RNF216: variants seen among roughly 807,000 people sequenced by gnomAD.
RNF216 encodes ring finger protein 216, also known as E3 ubiquitin-protein ligase RNF216.
A neutral mutation model predicts 110.8 loss-of-function variants in RNF216; 72 were observed. The observed-to-expected ratio is 0.65, with a 90% CI of 0.54 to 0.79. RNF216 has a LOEUF of 0.79. RNF216 is among the 30% of genes least tolerant of loss of function. The pLI is 0.00. For missense variants in RNF216, 1,342 were observed against 1,141.2 expected (o/e 1.18, Z -2.54); for synonymous variants, 495 against 407.5 (o/e 1.21, Z -2.59).
At chr7:5,677,786 G>C (rs1354620678) in intron 13 of RNF216, among the ~76,000 whole-genome samples, 3 of 152,180 alleles carry the variant, frequency 2.0e-5, no homozygotes, top group Non-Finnish European at 2.9e-5. Context: ...AAGGGGAAGG[G>C]TTGTCTATGC....
chr7:5,714,270 T>C (rs1287513847), intron 11 of RNF216, among the ~76,000 whole-genome samples: 1 of 151,860 alleles, frequency 6.6e-6, no homozygotes, highest in African/African-American at 2.4e-5. Flanking sequence ...CTATTTTTCT[T>C]TTTTAGAGAT....
Position 5,622,777 on chromosome 7 carries a change from A to G in RNF216, c.*83T>C. 7.3e-7 allele frequency: 1 copy of G among 1,372,330 alleles called. No homozygotes were observed. Among genetic ancestry groups the G allele is most frequent in the Non-Finnish European group, 1.0e-6 (1 of 1,000,816 alleles). The allele number at this position is 1,372,330 out of a possible 1,614,324, so 85.0% of individuals were successfully genotyped here. ...AAGCTGACTTAGGATGCAATGGTAC[A>G]GACACCAGCCTTGGGGGAGGGTTCT... On this transcript the variant is annotated 3_prime_UTR_variant, in exon 17 of 17. Transcript: ENST00000389902.
At chr7:5,711,561 AG>A (rs1388391982) in intron 13 of RNF216, among the ~76,000 whole-genome samples, 199 bp downstream of exon 13, 1 of 152,198 alleles carries the variant, frequency 6.6e-6, no homozygotes, top group African/African-American at 2.4e-5. Context: ...TTGTAACTGG[AG>A]TGGCAAGAGT....
chr7:5,732,402 A>G (rs896533704), intron 5 of RNF216, among the ~76,000 whole-genome samples: 4 of 152,206 alleles, frequency 2.6e-5, no homozygotes, highest in African/African-American at 7.2e-5. Flanking sequence ...TGATACATAA[A>G]TACACCTCTA....
chr7:5,720,665 C>G (rs1793363096), intron 9 of RNF216, among the ~76,000 whole-genome samples: 1 of 152,040 alleles, frequency 6.6e-6, no homozygotes, highest in South Asian at 2.1e-4. Context: ...ATCTCTGGGT[C>G]ACACTTTGAG....
At chr7:5,655,392 A>C (rs852521) in intron 13 of RNF216, among the ~76,000 whole-genome samples, 1 of 152,156 alleles carries the variant, frequency 6.6e-6, no homozygotes, top group Admixed American at 6.5e-5. Flanking sequence ...GAGGTCAGAC[A>C]TTAGAGACCA....
chr7:5,781,085 AG>A (rs892397148), intron 1 of RNF216, among the ~76,000 whole-genome samples: 2 of 152,112 alleles, frequency 1.3e-5, no homozygotes, highest in African/African-American at 4.8e-5. Flanking sequence ...TCCAGATGTG[AG>A]GGAAGAGGAG....
intron 2 of RNF216, among the ~76,000 whole-genome samples, chr7:5,758,634 G>A (rs373851144): frequency 5.9e-5 from 9 of 152,150 alleles, no homozygotes; most frequent in East Asian, 3.9e-4. Flanking sequence ...TTTAATGACC[G>A]CCCTGCTGGG....
At chr7:5,665,825 A>G (rs1789473820) in intron 13 of RNF216, among the ~76,000 whole-genome samples, 1 of 152,140 alleles carries the variant, frequency 6.6e-6, no homozygotes, top group African/African-American at 2.4e-5. Flanking sequence ...CCGAGACTAT[A>G]TCAGCAACGC....
In RNF216 at chr7:5,716,743, T is replaced by C. The variant is rs780040270; in HGVS notation, c.1668A>G (p.Leu556=). 4 of 1,607,394 alleles carry C rather than the reference T, an allele frequency of 2.5e-6. No homozygotes were observed. The highest frequency in any genetic ancestry group is 1.3e-5 in the African/African-American group (1 of 74,892). ...MAEHEDFLLA[L]QMNEEQYQKD... ...TTTGATACTGTTCTTCATTCATCTGTAGGGCAAGCAAAAAGTCTTCATGCT... is the reference window on the plus strand; with the variant it reads ...TTTGATACTGTTCTTCATTCATCTGCAGGGCAAGCAAAAAGTCTTCATGCT... Residue 556 remains leucine (L), a synonymous_variant, in exon 10 of 17, where the codon CTA becomes CTG. Coordinates refer to ENST00000389902, the MANE Select transcript of RNF216 (RefSeq NM_207111.4).
At chr7:5,687,425 A>G (rs528180623) in intron 13 of RNF216, among the ~76,000 whole-genome samples, 1 of 151,774 alleles carries the variant, frequency 6.6e-6, no homozygotes, top group Non-Finnish European at 1.5e-5. Flanking sequence ...GAAAAAGAAA[A>G]GAAAAGAAAG....
chr7:5,691,268 G>A (rs1204407385), intron 13 of RNF216, among the ~76,000 whole-genome samples: 1 of 152,218 alleles, frequency 6.6e-6, no homozygotes, highest in Non-Finnish European at 1.5e-5. Context: ...GCCGACGGCA[G>A]CATTTGACTG....
intron 10 of RNF216, among the ~76,000 whole-genome samples, chr7:5,716,001 G>C (rs755545978): frequency 1.3e-5 from 2 of 151,928 alleles, no homozygotes; most frequent in Non-Finnish European, 2.9e-5. Flanking sequence ...TTGGCCTTCC[G>C]AAGTGCTGGG....
chr7:5,620,198 T>C lies in RNF216; in HGVS notation c.*2662A>G, dbSNP rs1786265763. On this transcript the variant is annotated 3_prime_UTR_variant, in exon 17 of 17. Transcript: ENST00000389902. Reference sequence around the variant, plus strand: ...ATGAACTAATCGTTTCTTGTTTTTATACAAAGTGACAGATCATGCACATTT... The same window carrying C: ...ATGAACTAATCGTTTCTTGTTTTTACACAAAGTGACAGATCATGCACATTT... The C allele has an allele frequency of 6.6e-6, 1 of 152,274 alleles. No individual in the cohort carries two copies. Among genetic ancestry groups the C allele is most frequent in the South Asian group, 2.1e-4 (1 of 4,838 alleles). 9.4% of individuals were successfully genotyped at this position (152,274 alleles called of 1,614,324 possible). A position where few individuals can be genotyped will look rare whatever the true frequency, so the allele number is the denominator to read the frequency against.
intron 13 of RNF216, among the ~76,000 whole-genome samples, chr7:5,660,943 GTTTTTTTT>G (rs1168463360): frequency 1.0e-3 from 92 of 90,152 alleles, no homozygotes; most frequent in African/African-American, 4.0e-3. Context: ...GAAGCCTTAG[GTTTTTTTT>G]TTTTTTTTTT....
intron 13 of RNF216, among the ~76,000 whole-genome samples, chr7:5,654,136 G>A (rs192628085): frequency 8.9e-4 from 135 of 152,274 alleles, no homozygotes; most frequent in Non-Finnish European, 1.4e-3. Flanking sequence ...AAGCCACTCA[G>A]GAGAGAGGCC....
At chr7:5,774,363 AG>A (rs1796661064) in intron 1 of RNF216, among the ~76,000 whole-genome samples, 2 of 152,254 alleles carry the variant, frequency 1.3e-5, no homozygotes, top group Admixed American at 6.5e-5. Flanking sequence ...CTTTGAGCCC[AG>A]GAGTTCAATG....
chr7:5,722,064 C>G (rs544074024), intron 8 of RNF216, among the ~76,000 whole-genome samples: 25 of 152,022 alleles, frequency 1.6e-4, no homozygotes, highest in Non-Finnish European at 2.9e-4. Flanking sequence ...TGGGACTATA[C>G]AGGCAGATGC....
At chr7:5,756,023 T>C (rs1045742579) in intron 2 of RNF216, among the ~76,000 whole-genome samples, 9 of 152,136 alleles carry the variant, frequency 5.9e-5, no homozygotes, top group Non-Finnish European at 1.2e-4. Flanking sequence ...TCATCTTGAA[T>C]TGTAATCCCA....
Sources: gnomAD v4.1 joint callset for allele counts (sites outside exome capture counted in the v4.1 genomes callset) on GRCh38, gnomAD v4.1.1 for gene constraint, MANE v1.5 for transcripts, NCBI Gene and HGNC (gene_info 2026-07-23, HGNC 2026-07-21) for gene names.